Variants in PCDHB14 observed in about 807,000 individuals in gnomAD.
The protein encoded by PCDHB14 is protocadherin beta 14.
For missense variants in PCDHB14, 1,129 were observed against 1,000.5 expected (o/e 1.13, Z -1.73); for synonymous variants, 511 against 441.5 (o/e 1.16, Z -1.97).
rs782592835 is a variant in PCDHB14 at position 141,224,567 on chromosome 5, G to C, written c.1062G>C (p.Lys354Asn). 26 of 1,612,464 alleles carry C rather than the reference G, an allele frequency of 1.6e-5. No individual in the cohort carries two copies. Among genetic ancestry groups the C allele is most frequent in the South Asian group, 4.4e-5 (4 of 90,852 alleles). Residue 354 changes from lysine (K) to asparagine (N), a missense_variant, in exon 1 of 1, where the codon AAG becomes AAC. Lys to Asn is a moderately conservative substitution (Grantham distance 94, BLOSUM62 0). Transcript: ENST00000239449. ...AAGTGACCATATCGTCGATTACAAA[G>C]AGAATTCCAGAGAATGCCTCAGAGA... ...PPEVTISSIT[K>N]RIPENASETL... is the part of the protein sequence containing the mutation.
chr5:141,224,823 C>T lies in PCDHB14; in HGVS notation c.1318C>T (p.Leu440=), dbSNP rs1554289249. 1 of 1,614,090 alleles carries T rather than the reference C, an allele frequency of 6.2e-7. No homozygotes were observed. Among genetic ancestry groups the T allele is most frequent in the Admixed American group, 1.7e-5 (1 of 60,030 alleles). The change falls in exon 1 of 1, where the codon CTG becomes TTG. Residue 440 remains leucine (L), a synonymous_variant. Coordinates refer to ENST00000239449, the MANE Select transcript of PCDHB14 (RefSeq NM_018934.4). ...RLKTEYNITV[L]LSDVNDNAPT... ...GAAAACCGAGTACAACATAACCGTG[C>T]TGCTCTCTGACGTCAATGACAACGC...
In PCDHB14 at chr5:141,225,498, G is replaced by A. The variant is rs781961321; in HGVS notation, c.1993G>A (p.Gly665Ser). 6.2e-7 allele frequency: 1 copy of A among 1,607,056 alleles called. No individual in the cohort carries two copies. Among genetic ancestry groups the A allele is most frequent in the Non-Finnish European group, 8.5e-7 (1 of 1,179,678 alleles). ...TATLHVLLVD[G>S]FSQPYLPLPE... ...CACGCTGCACGTGCTCCTGGTGGAC[G>A]GCTTCTCCCAGCCCTACCTGCCGCT... Residue 665 changes from glycine (G) to serine (S), a missense_variant, in exon 1 of 1, where the codon GGC (glycine) becomes AGC (serine). Transcript: ENST00000239449.
Position 141,224,706 on chromosome 5 carries a change from T to C in PCDHB14, c.1201T>C (p.Phe401Leu). ...FFLKPTFKNF[F>L]TLVSEKALDR... ...CCTGAAACCGACCTTCAAGAACTTT[T>C]TCACTCTAGTTTCTGAAAAAGCACT... is the stretch of plus-strand genomic sequence containing the variant. Residue 401 changes from phenylalanine (F) to leucine (L), a missense_variant, in exon 1 of 1, where the codon TTC (phenylalanine) becomes CTC (leucine). Transcript: ENST00000239449. The C allele has an allele frequency of 1.2e-6, 2 of 1,614,166 alleles. No homozygotes were observed. Among genetic ancestry groups the C allele is most frequent in the Admixed American group, 3.3e-5 (2 of 60,026 alleles).
At position 141,224,243 on chromosome 5, in the gene PCDHB14, C is replaced by T. The variant is rs1554289122; in HGVS notation, c.738C>T (p.Leu246=). 1 of 1,613,752 alleles carries T rather than the reference C, an allele frequency of 6.2e-7. No homozygotes were observed. The highest frequency in any genetic ancestry group is 1.1e-5 in the South Asian group (1 of 90,994). The change falls in exon 1 of 1, where the codon CTC becomes CTT. Residue 246 remains leucine, a synonymous_variant. Coordinates refer to ENST00000239449, the MANE Select transcript of PCDHB14 (RefSeq NM_018934.4). ...NDNAPEFPQS[L]YEVQVPEDRP... ...ATGCCCCTGAGTTTCCTCAGAGTCT[C>T]TATGAGGTGCAAGTCCCCGAGGACA...
chr5:141,225,537 C>T lies in PCDHB14; in HGVS notation c.2032C>T (p.Pro678Ser), dbSNP rs1554289523. ...CTACCTGCCGCTCCCTGAGGCGGCC[C>T]CGGCCCAGGCCCAGGCCGACTCCCT... ...QPYLPLPEAA[P>S]AQAQADSLTV... Residue 678 changes from proline to serine, a missense_variant, in exon 1 of 1, where the codon CCG becomes TCG. Transcript: ENST00000239449. 2.5e-6 allele frequency: 4 copies of T among 1,610,032 alleles called. No homozygotes were observed. The highest frequency in any genetic ancestry group is 1.7e-5 in the Admixed American group (1 of 60,014).
chr5:141,223,888 A>G lies in PCDHB14; in HGVS notation c.383A>G (p.Asp128Gly). 4 of 1,613,474 alleles carry G rather than the reference A, an allele frequency of 2.5e-6. No homozygotes were observed. Among genetic ancestry groups the G allele is most frequent in the Non-Finnish European group, 2.5e-6 (3 of 1,179,814 alleles). Residue 128 changes from aspartate (D) to glycine (G), a missense_variant, in exon 1 of 1, where the codon GAT becomes GGT. Asp to Gly is a moderately conservative substitution (Grantham distance 94). Transcript: ENST00000239449. Reference sequence around the variant, plus strand: ...GAGCTGTGTGTCAAAGACATAAATGATCACTCCCCTACATTTCTAGACAAG... The same window carrying G: ...GAGCTGTGTGTCAAAGACATAAATGGTCACTCCCCTACATTTCTAGACAAG... ...RFELCVKDIN[D>G]HSPTFLDKEI...
In PCDHB14 at chr5:141,225,049, C is replaced by T. The variant is rs144421802; in HGVS notation, c.1544C>T (p.Ala515Val). 0.01 allele frequency: 16,128 copies of T among 1,612,570 alleles called. 116 individuals carry two copies. Among genetic ancestry groups the T allele is most frequent in the Non-Finnish European group, 0.012 (13,812 of 1,179,970 alleles). The change falls in exon 1 of 1, where the codon GCC becomes GTC. Residue 515 changes from alanine (A) to valine (V), a missense_variant. Coordinates refer to ENST00000239449, the MANE Select transcript of PCDHB14 (RefSeq NM_018934.4). ...SINADNGHLF[A>V]LRSLDYEALQ... ...AACGCGGACAATGGCCACCTGTTTG[C>T]CCTCAGGTCGCTGGACTACGAGGCC... is the stretch of plus-strand genomic sequence containing the variant.
Position 141,223,471 on chromosome 5 carries a change from T to A in PCDHB14, c.-35T>A, listed in dbSNP as rs537142993. 2.3e-4 allele frequency: 343 copies of A among 1,502,836 alleles called. 1 individual carries two copies. Among genetic ancestry groups the A allele is most frequent in the Middle Eastern group, 7.0e-4 (4 of 5,692 alleles). 93.1% of individuals were successfully genotyped at this position (1,502,836 alleles called of 1,614,324 possible). ...TCAGCTTCCAAAATTACGGCTGAGC[T>A]TCAGTTTTTCCACAAGAGATTGCCT... On this transcript the variant is annotated 5_prime_UTR_variant, in exon 1 of 1. Transcript: ENST00000239449.
In PCDHB14 at chr5:141,225,486, C is replaced by T. The variant is rs1403440210; in HGVS notation, c.1981C>T (p.Leu661Phe). The T allele has an allele frequency of 3.1e-6, 5 of 1,606,142 alleles. No individual in the cohort carries two copies. The highest frequency in any genetic ancestry group is 8.5e-7 in the Non-Finnish European group (1 of 1,179,650). The change falls in exon 1 of 1, where the codon CTC becomes TTC. Residue 661 changes from leucine to phenylalanine, a missense_variant. Leu to Phe is a conservative substitution (Grantham distance 22, BLOSUM62 0). Transcript: ENST00000239449. ...CTCGGCCACCGCCACGCTGCACGTG[C>T]TCCTGGTGGACGGCTTCTCCCAGCC... ...PRSATATLHV[L>F]LVDGFSQPYL...
chr5:141,224,187 G>C lies in PCDHB14; in HGVS notation c.682G>C (p.Val228Leu), dbSNP rs1168894331. 1 of 1,614,042 alleles carries C rather than the reference G, an allele frequency of 6.2e-7. No homozygotes were observed. The highest frequency in any genetic ancestry group is 8.5e-7 in the Non-Finnish European group (1 of 1,180,034). ...CCCGCCCAAGTCTGGGACAACTTTGGTTCTCATCAAGGTGTTGGACATCAA... is the reference window on the plus strand; with the variant it reads ...CCCGCCCAAGTCTGGGACAACTTTGCTTCTCATCAAGGTGTTGGACATCAA... Reference protein sequence around the residue: ...GSPPKSGTTLVLIKVLDINDN... With the variant: ...GSPPKSGTTLLLIKVLDINDN... The change falls in exon 1 of 1, where the codon GTT becomes CTT. Residue 228 changes from valine to leucine, a missense_variant. Physicochemically the swap from Val to Leu is conservative, Grantham distance 32. Transcript: ENST00000239449.
chr5:141,225,696 C>A lies in PCDHB14; in HGVS notation c.2191C>A (p.Pro731Thr), dbSNP rs782018469. ...GGGTCGCTGCTCGGTGCCCGAGGGT[C>A]CCTTTCCAGGGCATCTGGTGGACGT... ...SVGRCSVPEG[P>T]FPGHLVDVSG... Residue 731 changes from proline (P) to threonine (T), a missense_variant, in exon 1 of 1, where the codon CCC becomes ACC. Physicochemically the swap from Pro to Thr is conservative, Grantham distance 38 (BLOSUM62 -1). Coordinates refer to ENST00000239449, the MANE Select transcript of PCDHB14 (RefSeq NM_018934.4). The A allele has an allele frequency of 1.2e-6, 2 of 1,614,216 alleles. No individual in the cohort carries two copies. Among genetic ancestry groups the A allele is most frequent in the Non-Finnish European group, 1.7e-6 (2 of 1,180,048 alleles).
rs782349532 is a variant in PCDHB14 at position 141,225,484 on chromosome 5, T to C, written c.1979T>C (p.Val660Ala). 1.5e-5 allele frequency: 24 copies of C among 1,606,070 alleles called. No individual in the cohort carries two copies. The Admixed American group carries it at 3.8e-4, about 26-fold the overall frequency. The change falls in exon 1 of 1, where the codon GTG becomes GCG. Residue 660 changes from valine to alanine, a missense_variant. Val to Ala is a moderately conservative substitution (Grantham distance 64). Coordinates refer to ENST00000239449, the MANE Select transcript of PCDHB14 (RefSeq NM_018934.4). ...CGCTCGGCCACCGCCACGCTGCACGTGCTCCTGGTGGACGGCTTCTCCCAG... is the reference window on the plus strand; with the variant it reads ...CGCTCGGCCACCGCCACGCTGCACGCGCTCCTGGTGGACGGCTTCTCCCAG... ...PPRSATATLH[V>A]LLVDGFSQPY...
rs1221093475 is a variant in PCDHB14, at chr5:141,225,790, A to G, written c.2285A>G (p.Asn762Ser). 1.2e-6 allele frequency: 2 copies of G among 1,614,014 alleles called. No homozygotes were observed. The highest frequency in any genetic ancestry group is 4.5e-5 in the East Asian group (2 of 44,862). ...EVCLTGGSGT[N>S]EFKFLKPIIP... Reference sequence around the variant, plus strand: ...TGTCTGACAGGAGGTTCCGGGACAAATGAGTTCAAATTTCTGAAGCCGATT... The same window carrying G: ...TGTCTGACAGGAGGTTCCGGGACAAGTGAGTTCAAATTTCTGAAGCCGATT... Residue 762 changes from asparagine to serine, a missense_variant, in exon 1 of 1, where the codon AAT (asparagine) becomes AGT (serine). Coordinates refer to ENST00000239449, the MANE Select transcript of PCDHB14 (RefSeq NM_018934.4).
In PCDHB14 at chr5:141,225,327, A is replaced by C. The variant is rs781904475; in HGVS notation, c.1822A>C (p.Lys608Gln). ...QNAWLSYQLLKATEPGLFGVW... is the reference protein window; with the variant it reads ...QNAWLSYQLLQATEPGLFGVW... Reference sequence around the variant, plus strand: ...CGCCTGGCTGTCGTACCAGCTGCTCAAGGCCACGGAGCCCGGGCTGTTCGG... The same window carrying C: ...CGCCTGGCTGTCGTACCAGCTGCTCCAGGCCACGGAGCCCGGGCTGTTCGG... Residue 608 changes from lysine to glutamine, a missense_variant, in exon 1 of 1, where the codon AAG becomes CAG. By Grantham distance (53) the Lys-to-Gln change is moderately conservative (BLOSUM62 1). Transcript: ENST00000239449. 8 of 1,601,620 alleles carry C rather than the reference A, an allele frequency of 5.0e-6. No individual in the cohort carries two copies. The highest frequency in any genetic ancestry group is 6.8e-6 in the Non-Finnish European group (8 of 1,178,818).
rs1754758893 is a variant in PCDHB14 at position 141,223,421 on chromosome 5, G to A, written c.-85G>A. On this transcript the variant is annotated 5_prime_UTR_variant, in exon 1 of 1. Transcript: ENST00000239449. Reference sequence around the variant, plus strand: ...AGCTGCTGGAGGATACACTCTCCAGGGGGTTCCTGTTAAAAACCAGAGCTT... The same window carrying A: ...AGCTGCTGGAGGATACACTCTCCAGAGGGTTCCTGTTAAAAACCAGAGCTT... 3 of 954,216 alleles carry A rather than the reference G, an allele frequency of 3.1e-6. No homozygotes were observed. Among genetic ancestry groups the A allele is most frequent in the African/African-American group, 3.3e-5 (2 of 60,840 alleles). 59.1% of individuals were successfully genotyped at this position (954,216 alleles called of 1,614,324 possible). A position where few individuals can be genotyped will look rare whatever the true frequency, so the allele number is the denominator to read the frequency against.
rs782162573 is a variant in PCDHB14 at position 141,225,667 on chromosome 5, C to T, written c.2162C>T (p.Ser721Leu). Residue 721 changes from serine to leucine, a missense_variant, in exon 1 of 1, where the codon TCG becomes TTG. Coordinates refer to ENST00000239449, the MANE Select transcript of PCDHB14 (RefSeq NM_018934.4). ...VRLCRRSRAA[S>L]VGRCSVPEGP... is the part of the protein sequence containing the mutation. Reference sequence around the variant, plus strand: ...CTGTGCAGGAGGAGCAGGGCGGCCTCGGTGGGTCGCTGCTCGGTGCCCGAG... The same window carrying T: ...CTGTGCAGGAGGAGCAGGGCGGCCTTGGTGGGTCGCTGCTCGGTGCCCGAG... 6.2e-7 allele frequency: 1 copy of T among 1,613,938 alleles called. No homozygotes were observed. Among genetic ancestry groups the T allele is most frequent in the Non-Finnish European group, 8.5e-7 (1 of 1,180,028 alleles).
chr5:141,224,862 C>T lies in PCDHB14; in HGVS notation c.1357C>T (p.Gln453Ter), dbSNP rs782549895. Residue 453 changes from glutamine to a stop codon, truncating the protein, a stop_gained, in exon 1 of 1, where the codon CAA becomes TAA. Transcript: ENST00000239449. LOFTEE classifies it low-confidence loss of function (END_TRUNC). Reference sequence around the variant, plus strand: ...CAATGACAACGCCCCCACCTTCACCCAAACCTCCTACACCCTGTTCGTCCG... The same window carrying T: ...CAATGACAACGCCCCCACCTTCACCTAAACCTCCTACACCCTGTTCGTCCG... ...DVNDNAPTFT[Q>*]TSYTLFVREN... is the part of the protein sequence containing the mutation. The T allele has an allele frequency of 1.9e-6, 3 of 1,613,690 alleles. No individual in the cohort carries two copies. Among genetic ancestry groups the T allele is most frequent in the Non-Finnish European group, 8.5e-7 (1 of 1,180,020 alleles).
chr5:141,227,343 A>G lies in PCDHB14; in HGVS notation c.*1441A>G, dbSNP rs973296840. The G allele has an allele frequency of 2.0e-5, 3 of 152,226 alleles. No homozygotes were observed. The highest frequency in any genetic ancestry group is 7.2e-5 in the African/African-American group (3 of 41,440). The allele number at this position is 152,226 out of a possible 1,614,324, so 9.4% of individuals were successfully genotyped here. On this transcript the variant is annotated 3_prime_UTR_variant, in exon 1 of 1. Coordinates refer to ENST00000239449, the MANE Select transcript of PCDHB14 (RefSeq NM_018934.4). Reference sequence around the variant, plus strand: ...CTATTAATTATTGAGTAAATATAAAACATCATTAACACTTTGTGGCCTCTC... The same window carrying G: ...CTATTAATTATTGAGTAAATATAAAGCATCATTAACACTTTGTGGCCTCTC...
chr5:141,225,789 A>G lies in PCDHB14; in HGVS notation c.2284A>G (p.Asn762Asp). The G allele has an allele frequency of 1.2e-6, 2 of 1,614,154 alleles. No homozygotes were observed. The highest frequency in any genetic ancestry group is 1.7e-6 in the Non-Finnish European group (2 of 1,180,020). The part of the protein sequence containing the change: ...EVCLTGGSGT[N>D]EFKFLKPIIP... ...GTGTCTGACAGGAGGTTCCGGGACAAATGAGTTCAAATTTCTGAAGCCGAT... is the reference window on the plus strand; with the variant it reads ...GTGTCTGACAGGAGGTTCCGGGACAGATGAGTTCAAATTTCTGAAGCCGAT... The change falls in exon 1 of 1, where the codon AAT becomes GAT. Residue 762 changes from asparagine (N) to aspartate (D), a missense_variant. Asn to Asp is a conservative substitution (Grantham distance 23). Coordinates refer to ENST00000239449, the MANE Select transcript of PCDHB14 (RefSeq NM_018934.4).
Sources: allele counts gnomAD v4.1 joint callset, GRCh38; gene constraint gnomAD v4.1.1; transcripts MANE v1.5; gene names NCBI Gene and HGNC (gene_info 2026-07-23, HGNC 2026-07-21).